The following SLIT3 variants were observed in gnomAD, a reference collection of about 807,000 sequenced individuals.
SLIT3 encodes the protein slit guidance ligand 3.
A neutral mutation model predicts 184.0 loss-of-function variants in SLIT3; 68 were observed. That is an observed-to-expected ratio of 0.37 (90% confidence interval 0.30 to 0.45). The LOEUF (loss-of-function observed/expected upper bound fraction) is 0.45, where lower values mean the gene tolerates loss of function less well. SLIT3 is among the 20% of genes least tolerant of loss of function. The pLI is 1.00. For missense variants in SLIT3, 1,707 were observed against 2,026.0 expected, an observed-to-expected ratio of 0.84 and a Z score of 3.02; for synonymous variants, 831 against 828.6, an observed-to-expected ratio of 1.00 and a Z score of -0.05.
intron 1 of SLIT3, among the ~76,000 whole-genome samples, chr5:169,281,572 T>C (rs1446929293): frequency 6.6e-6 from 1 of 151,976 alleles, no homozygotes; most frequent in Non-Finnish European, 1.5e-5. Context: ...GTTGTATGCA[T>C]ATATGTATGT....
intron 3 of SLIT3, among the ~76,000 whole-genome samples, chr5:169,229,096 C>CAG (rs917077527): frequency 1.3e-4 from 19 of 150,842 alleles, no homozygotes; most frequent in Admixed American, 4.0e-4. Flanking sequence ...GAGACAGAGA[C>CAG]AGAGAGAGAG....
chr5:169,132,054 C>T (rs902180608), intron 4 of SLIT3, among the ~76,000 whole-genome samples: 8 of 152,188 alleles, frequency 5.3e-5, no homozygotes, highest in South Asian at 2.1e-4. Context: ...ATTCTGCCTT[C>T]CTCAGGACTC....
intron 32 of SLIT3, among the ~76,000 whole-genome samples, chr5:168,673,950 C>T (rs1441720693): frequency 6.6e-6 from 1 of 152,176 alleles, no homozygotes; most frequent in Admixed American, 6.5e-5. Flanking sequence ...TTACTCAACA[C>T]GCTTGTTCTT....
At chr5:168,966,443 A>C (rs60195918) in intron 4 of SLIT3, among the ~76,000 whole-genome samples, 9,411 of 151,960 alleles carry the variant, frequency 0.062, 342 homozygotes, top group African/African-American at 0.09. Flanking sequence ...GGGCACCAGG[A>C]GGTATGAGAC....
chr5:168,687,165 G>A (rs747282301), intron 29 of SLIT3, 49 bp from the exon 30 acceptor site: 5 of 1,599,942 alleles, frequency 3.1e-6, no homozygotes, highest in Non-Finnish European at 4.3e-6. Context: ...AAGCCAGCTT[G>A]CAGGCAGTCA....
chr5:169,032,598 CG>C (rs1236213921), intron 4 of SLIT3, among the ~76,000 whole-genome samples: 1 of 111,508 alleles, frequency 9.0e-6, no homozygotes. Flanking sequence ...GTTTTAGTTT[CG>C]TTTTTTTTTT....
chr5:169,136,052 T>C (rs759344366), intron 4 of SLIT3, among the ~76,000 whole-genome samples: 10 of 152,124 alleles, frequency 6.6e-5, no homozygotes, highest in Non-Finnish European at 1.2e-4. Flanking sequence ...CATAAGGAAA[T>C]AGGTCAGAAA....
At chr5:168,741,242 G>A (rs879616412) in intron 20 of SLIT3, among the ~76,000 whole-genome samples, 8 of 152,158 alleles carry the variant, frequency 5.3e-5, no homozygotes, top group East Asian at 3.9e-4. Flanking sequence ...AGGCCGAGGC[G>A]GGCGGATCAC....
At chr5:169,173,989 A>G (rs1368049412) in intron 4 of SLIT3, among the ~76,000 whole-genome samples, 1 of 152,150 alleles carries the variant, frequency 6.6e-6, no homozygotes, top group Non-Finnish European at 1.5e-5. Context: ...GGCCCAACAG[A>G]AGTCCTTCCC....
intron 1 of SLIT3, among the ~76,000 whole-genome samples, chr5:169,271,233 T>C (rs907586318): frequency 1.3e-5 from 2 of 152,186 alleles, no homozygotes; most frequent in African/African-American, 4.8e-5. Flanking sequence ...CCATGTCATG[T>C]GCTACTCCAT....
At chr5:168,959,226 G>A (rs775111859) in intron 4 of SLIT3, among the ~76,000 whole-genome samples, 5 of 152,238 alleles carry the variant, frequency 3.3e-5, no homozygotes, top group Non-Finnish European at 7.3e-5. Context: ...ATGCCAACTT[G>A]TGACTTTGTG....
intron 4 of SLIT3, among the ~76,000 whole-genome samples, chr5:168,895,322 T>C (rs917306190): frequency 6.6e-6 from 1 of 152,156 alleles, no homozygotes; most frequent in African/African-American, 2.4e-5. Flanking sequence ...GGAGGGGCTG[T>C]GCCTGGGCTG....
chr5:168,781,384 A>C (rs1256769234), intron 12 of SLIT3, among the ~76,000 whole-genome samples: 1 of 152,156 alleles, frequency 6.6e-6, no homozygotes. Flanking sequence ...TCAGTCCTTT[A>C]AGTGGGGTGA....
intron 4 of SLIT3, among the ~76,000 whole-genome samples, chr5:168,890,806 A>G (rs563391391): frequency 3.3e-5 from 5 of 152,306 alleles, no homozygotes; most frequent in African/African-American, 1.2e-4. Flanking sequence ...GACATTTTCC[A>G]TAATAAAAAA....
At chr5:168,940,689 A>G (rs981721377) in intron 4 of SLIT3, among the ~76,000 whole-genome samples, 5 of 152,194 alleles carry the variant, frequency 3.3e-5, no homozygotes, top group Admixed American at 2.0e-4. Flanking sequence ...CCTGAAATGA[A>G]TCTTCCAGAT....
In SLIT3 at chr5:168,684,015, C is replaced by T. The variant is rs1347645516; in HGVS notation, c.3637G>A (p.Val1213Met). 25 of 1,605,864 alleles carry T rather than the reference C, an allele frequency of 1.6e-5. No homozygotes were observed. Among genetic ancestry groups the T allele is most frequent in the Non-Finnish European group, 1.9e-5 (22 of 1,175,810 alleles). Residue 1213 changes from valine (V) to methionine (M), a missense_variant, in exon 32 of 36, where the codon GTG (valine) becomes ATG (methionine). Transcript: ENST00000519560. ...PLALELYQGH[V>M]RLVYDSLSSP... ...CTCAGGCTGTCATAGACCAGCCGCA[C>T]GTGGCCCTGGTACAGCTCCAGTGCC...
At chr5:168,666,939 C>T in intron 35 of SLIT3, 1 of 629,698 alleles carries the variant, frequency 1.6e-6, no homozygotes, top group South Asian at 1.8e-5. Flanking sequence ...CAGGCTTGGT[C>T]CCTTCCTTCA....
intron 1 of SLIT3, among the ~76,000 whole-genome samples, chr5:169,287,707 C>T (rs780954860): frequency 8.5e-5 from 13 of 152,128 alleles, no homozygotes; most frequent in South Asian, 2.1e-4. Flanking sequence ...AGAACTTGTA[C>T]GCTGGCAGCA....
chr5:169,123,723 C>G (rs1760973135), intron 4 of SLIT3, among the ~76,000 whole-genome samples: 1 of 152,114 alleles, frequency 6.6e-6, no homozygotes, highest in Non-Finnish European at 1.5e-5. Context: ...CCAGTATGAT[C>G]CTGAAGACAA....
Sources: allele counts gnomAD v4.1 joint callset (sites outside exome capture counted in the v4.1 genomes callset), GRCh38; gene constraint gnomAD v4.1.1; transcripts MANE v1.5; gene names NCBI Gene and HGNC (gene_info 2026-07-23, HGNC 2026-07-21).